The following SPATA17 variants were observed in gnomAD, a reference collection of about 807,000 sequenced individuals.
The protein encoded by SPATA17 is spermatogenesis-associated protein 17.
SPATA17 carries 53 observed loss-of-function variants against 62.2 expected under a neutral mutation model. The observed-to-expected ratio is 0.85, with a 90% CI of 0.68 to 1.07. The LOEUF (loss-of-function observed/expected upper bound fraction) is 1.07. SPATA17 is among the 50% of genes least tolerant of loss of function. The pLI, the probability that SPATA17 is intolerant of heterozygous loss-of-function variation, is 0.00. For missense variants in SPATA17, 466 were observed against 425.5 expected (o/e 1.10, Z -0.84); for synonymous variants, 146 against 146.8 (o/e 0.99, Z 0.04).
At chr1:217,706,452 C>T (rs1244423418) in intron 5 of SPATA17, among the ~76,000 whole-genome samples, 1 of 152,052 alleles carries the variant, frequency 6.6e-6, no homozygotes, top group Admixed American at 6.6e-5. Context: ...ATTCTGGGGG[C>T]CGTTCCCCCA....
At chr1:217,813,988 G>A (rs1244956971) in intron 9 of SPATA17, among the ~76,000 whole-genome samples, 1 of 151,812 alleles carries the variant, frequency 6.6e-6, no homozygotes, top group African/African-American at 2.4e-5. Flanking sequence ...AATCTGGTTT[G>A]TTTCTGATTA....
At chr1:217,779,144 T>TTGTGTG (rs55714817) in intron 7 of SPATA17, among the ~76,000 whole-genome samples, 30 of 148,546 alleles carry the variant, frequency 2.0e-4, no homozygotes, top group Middle Eastern at 3.6e-3. Context: ...GTAAAACAAC[T>TTGTGTG]TGTGTGTGTG....
intron 3 of SPATA17, among the ~76,000 whole-genome samples, chr1:217,663,685 A>G (rs1670619259): frequency 6.6e-6 from 1 of 152,072 alleles, no homozygotes; most frequent in Non-Finnish European, 1.5e-5. Flanking sequence ...TTTAATGCAT[A>G]TATTTCTTTT....
intron 3 of SPATA17, among the ~76,000 whole-genome samples, chr1:217,653,775 A>G (rs1238339970): frequency 1.3e-5 from 2 of 152,154 alleles, no homozygotes; most frequent in African/African-American, 4.8e-5. Flanking sequence ...TTTCAATTTG[A>G]ATGCCAGGGA....
chr1:217,748,171 C>T (rs1460759880), intron 6 of SPATA17, among the ~76,000 whole-genome samples: 8 of 151,618 alleles, frequency 5.3e-5, no homozygotes, highest in East Asian at 2.0e-4. Context: ...GGCATGGTGG[C>T]GAGCGCCTGT....
chr1:217,714,484 G>GTTTTTTTTTTT (rs1456324571), intron 5 of SPATA17, among the ~76,000 whole-genome samples: 2 of 124,002 alleles, frequency 1.6e-5, no homozygotes, highest in African/African-American at 6.7e-5. Flanking sequence ...TGGAAAACGT[G>GTTTTTTTTTTT]TTTCTTTTTT....
chr1:217,826,996 T>C (rs1675015070), intron 9 of SPATA17, among the ~76,000 whole-genome samples: 1 of 152,082 alleles, frequency 6.6e-6, no homozygotes, highest in Non-Finnish European at 1.5e-5. Flanking sequence ...ATCTTTTTTA[T>C]GTCTTTTTCT....
chr1:217,830,778 A>G (rs1330371037), intron 9 of SPATA17, among the ~76,000 whole-genome samples: 1 of 152,132 alleles, frequency 6.6e-6, no homozygotes, highest in Non-Finnish European at 1.5e-5. Flanking sequence ...GAATTAATTT[A>G]CAAGTTACTT....
intron 9 of SPATA17, among the ~76,000 whole-genome samples, chr1:217,853,907 T>C (rs988083176): frequency 1.3e-5 from 2 of 152,136 alleles, no homozygotes; most frequent in African/African-American, 2.4e-5. Context: ...CTTAGGGTTA[T>C]TAAAAGAAAA....
rs1035938528 is a variant in SPATA17, at chr1:217,788,249, C to G, written c.872+5927C>G. Among the ~76,000 whole-genome samples, 6 of 152,164 alleles carry G rather than the reference C, an allele frequency of 3.9e-5. 1 individual carries two copies. The highest frequency in any genetic ancestry group is 7.3e-5 in the Non-Finnish European group (5 of 68,028). On this transcript the variant is annotated intron_variant, in intron 8 of 10. Coordinates refer to ENST00000366933, the MANE Select transcript of SPATA17 (RefSeq NM_138796.4). ...ATTGATATCTTCTGTTAATTGTAAA[C>G]ATTCTGGCTTAATACAGGAGACTAT...
intron 6 of SPATA17, among the ~76,000 whole-genome samples, chr1:217,749,987 A>C (rs375798179): frequency 0.015 from 707 of 46,760 alleles, 6 homozygotes; most frequent in Middle Eastern, 0.04. Context: ...CTCTCTCTCT[A>C]TATATATATA....
At position 217,782,313 on chromosome 1, in the gene SPATA17, A is replaced by T. The variant is rs114098188; in HGVS notation, c.863A>T (p.Asn288Ile). Residue 288 changes from asparagine to isoleucine, a missense_variant, in exon 8 of 11, where the codon AAT becomes ATT. Transcript: ENST00000366933. ...LRREEWLQNV[N>I]DNMFLPFSSY... ...AGAGAGGAATGGCTGCAAAATGTAA[A>T]TGACAATATGTGAGTTCTTAGCTTA... is the stretch of plus-strand genomic sequence containing the variant. 5.5e-4 allele frequency: 886 copies of T among 1,608,006 alleles called. 3 individuals are homozygous for T. In the African/African-American group the frequency reaches 9.1e-3, roughly 17 times the overall value.
At chr1:217,826,077 G>A (rs1674996066) in intron 9 of SPATA17, among the ~76,000 whole-genome samples, 1 of 152,032 alleles carries the variant, frequency 6.6e-6, no homozygotes, top group African/African-American at 2.4e-5. Context: ...TACTACAGAT[G>A]GGTGGCTTTA....
At chr1:217,816,912 A>G (rs1674731016) in intron 9 of SPATA17, among the ~76,000 whole-genome samples, 1 of 152,064 alleles carries the variant, frequency 6.6e-6, no homozygotes, top group Admixed American at 6.6e-5. Flanking sequence ...TCTAGTTTTT[A>G]TACATACTAT....
intron 3 of SPATA17, among the ~76,000 whole-genome samples, chr1:217,660,426 G>A (rs957970606): frequency 6.6e-6 from 1 of 152,176 alleles, no homozygotes; most frequent in Non-Finnish European, 1.5e-5. Context: ...CTGGATAAAT[G>A]ATTCACAGGG....
chr1:217,710,166 G>A (rs890440294), intron 5 of SPATA17, among the ~76,000 whole-genome samples: 3 of 152,044 alleles, frequency 2.0e-5, no homozygotes, highest in African/African-American at 4.8e-5. Flanking sequence ...ATGCAAAAAC[G>A]CATTTTTTAA....
At chr1:217,833,629 T>C (rs1675196873) in intron 9 of SPATA17, among the ~76,000 whole-genome samples, 2 of 152,156 alleles carry the variant, frequency 1.3e-5, no homozygotes, top group South Asian at 4.1e-4. Flanking sequence ...ATATGCGGAG[T>C]TTGATTTAAT....
chr1:217,856,862 C>A (rs1458266254), intron 9 of SPATA17, among the ~76,000 whole-genome samples: 2 of 152,120 alleles, frequency 1.3e-5, no homozygotes, highest in Non-Finnish European at 2.9e-5. Context: ...AGGAATAATG[C>A]CGGGTGATCT....
At chr1:217,849,293 T>G (rs887744898) in intron 9 of SPATA17, among the ~76,000 whole-genome samples, 1 of 152,286 alleles carries the variant, frequency 6.6e-6, no homozygotes, top group South Asian at 2.1e-4. Flanking sequence ...GAAGTGACTT[T>G]CTGTGGATGG....
Sources: allele counts gnomAD v4.1 joint callset (sites outside exome capture counted in the v4.1 genomes callset), GRCh38; gene constraint gnomAD v4.1.1; transcripts MANE v1.5; gene names NCBI Gene and HGNC (gene_info 2026-07-23, HGNC 2026-07-21).